Variants in KMT2D observed in about 807,000 individuals in gnomAD.
The protein encoded by KMT2D is histone-lysine N-methyltransferase 2D.
Under a neutral mutation model 512.7 loss-of-function variants are expected in KMT2D, and 55 were observed. The ratio of observed to expected loss-of-function variants is 0.11; its 90% CI spans 0.09 to 0.13. The LOEUF (loss-of-function observed/expected upper bound fraction) is 0.13, where lower values mean the gene tolerates loss of function less well. KMT2D is among the 10% of genes least tolerant of loss of function. The pLI is 1.00. For missense variants in KMT2D, 6,061 were observed against 7,127.9 expected (o/e 0.85, Z 5.39); for synonymous variants, 2,995 against 2,904.0 (o/e 1.03, Z -1.01).
In KMT2D at chr12:49,052,437, C is replaced by T. The variant is rs373466438; in HGVS notation, c.1259-13G>A. On this transcript the variant is annotated splice_polypyrimidine_tract_variant and intron_variant, in intron 10 of 54. Coordinates refer to ENST00000301067, the MANE Select transcript of KMT2D (RefSeq NM_003482.4). Reference sequence around the variant, plus strand: ...ACCCCTGCTTTCCCTGCAGACACAACAACACGATGCTCCTATCTAGCTCAG... The same window carrying T: ...ACCCCTGCTTTCCCTGCAGACACAATAACACGATGCTCCTATCTAGCTCAG... 7.6e-4 allele frequency: 1,179 copies of T among 1,542,058 alleles called. 2 individuals are homozygous for T. The highest frequency in any genetic ancestry group is 7.7e-4 in the Non-Finnish European group (885 of 1,142,252).
intron 43 of KMT2D, 63 bp downstream of exon 43, chr12:49,030,217 T>C: frequency 2.3e-5 from 32 of 1,412,532 alleles, no homozygotes; most frequent in Non-Finnish European, 3.1e-5. Context: ...CTGTACAGCA[T>C]ACTAACTGGT....
intron 7 of KMT2D, 37 bp downstream of exon 7, chr12:49,053,439 T>G: frequency 1.2e-6 from 2 of 1,611,066 alleles, no homozygotes; most frequent in Admixed American, 3.3e-5. Flanking sequence ...TAACCTGTGT[T>G]GTGCCTAAGA....
rs764529120 is a variant in KMT2D, at chr12:49,024,780, A to G, written c.15921+30T>C. ...TAGGCCAAAGTTCTCAGTGCCCGCC[A>G]AGCCCCCCAGCTCCCAGCCCCTTCC... On this transcript the variant is annotated intron_variant, in intron 50 of 54. Coordinates refer to ENST00000301067, the MANE Select transcript of KMT2D (RefSeq NM_003482.4). This position sits in a 1 kb window ranked among gnomAD's most constrained non-coding sequence, Gnocchi z 4.5. The G allele has an allele frequency of 6.8e-6, 11 of 1,608,886 alleles. No individual in the cohort carries two copies. In the South Asian group the frequency reaches 1.2e-4, roughly 18 times the overall value.
chr12:49,051,446 C>G lies in KMT2D; in HGVS notation c.2237G>C (p.Arg746Pro), dbSNP rs371911838. The change falls in exon 11 of 55, where the codon CGG (arginine) becomes CCG (proline). Residue 746 changes from arginine to proline, a missense_variant. This residue lies in a region of KMT2D where 848 missense variants were observed against 838.5 expected (regional missense o/e 1.01). Transcript: ENST00000301067. ...GGGGGACAGGTGCGGCTCCTCAGGCCGGGGTGACAGGTGCGGCCCCTCGGA... is the reference window on the plus strand; with the variant it reads ...GGGGGACAGGTGCGGCTCCTCAGGCGGGGGTGACAGGTGCGGCCCCTCGGA... ...PRSEGPHLSP[R>P]PEEPHLSPRP... The G allele has an allele frequency of 3.1e-6, 5 of 1,610,948 alleles. No homozygotes were observed. The highest frequency in any genetic ancestry group is 1.3e-5 in the African/African-American group (1 of 74,090).
In KMT2D at chr12:49,050,743, G is replaced by C. The variant is rs1366314399; in HGVS notation, c.2845C>G (p.Pro949Ala). The stretch of plus-strand genomic sequence containing the variant: ...AACTCCCCCAAAGGAGACAGGGCCG[G>C]TGGGGCCGCAGCTGTGATGATGGGT... ...LSPIITAAAP[P>A]ALSPLGELEY... is the part of the protein sequence containing the mutation. Residue 949 changes from proline to alanine, a missense_variant, in exon 12 of 55, where the codon CCG (proline) becomes GCG (alanine). By Grantham distance (27) the Pro-to-Ala change is conservative. Around this residue, in one of 16 missense-constraint regions of KMT2D, gnomAD observed 848 missense variants for 838.5 expected, o/e 1.01. Coordinates refer to ENST00000301067, the MANE Select transcript of KMT2D (RefSeq NM_003482.4). 1 of 1,613,174 alleles carries C rather than the reference G, an allele frequency of 6.2e-7. No individual in the cohort carries two copies. Among genetic ancestry groups the C allele is most frequent in the South Asian group, 1.1e-5 (1 of 91,072 alleles).
At position 49,049,951 on chromosome 12, in the gene KMT2D, G is replaced by A. The variant is rs551485453; in HGVS notation, c.3637C>T (p.Gln1213Ter). Residue 1213 changes from glutamine (Q) to a stop codon, truncating the protein, a stop_gained, in exon 12 of 55, where the codon CAG becomes TAG. Coordinates refer to ENST00000301067, the MANE Select transcript of KMT2D (RefSeq NM_003482.4). LOFTEE classifies it high-confidence loss of function. ...GGAAAACTGGCACTGGCATCACCCT[G>A]GCTCAGATTAGAGATCTCGTTAACG... ...DIVNEISNLS[Q>*]GDASASFPGS... 1 of 1,613,968 alleles carries A rather than the reference G, an allele frequency of 6.2e-7. No individual in the cohort carries two copies. The highest frequency in any genetic ancestry group is 1.3e-5 in the African/African-American group (1 of 75,064).
rs766985576 is a variant in KMT2D, at chr12:49,041,393, A to T, written c.6377T>A (p.Ile2126Asn). 6.2e-7 allele frequency: 1 copy of T among 1,603,412 alleles called. No homozygotes were observed. The highest frequency in any genetic ancestry group is 8.5e-7 in the Non-Finnish European group (1 of 1,173,862). Residue 2126 changes from isoleucine to asparagine, a missense_variant, in exon 32 of 55, where the codon ATT becomes AAT. Transcript: ENST00000301067. This position sits in a 1 kb window ranked among gnomAD's most constrained non-coding sequence, Gnocchi z 5.4. ...GCCGGCGGGGGTAGTGGGGCTGCCA[A>T]TGAAAATGGTGGGGGCAGCAGCGGG... is the stretch of plus-strand genomic sequence containing the variant. ...PPPAAAPTIF[I>N]GSPTTPAGLS...
rs1340245956 is a variant in KMT2D at position 49,020,235 on chromosome 12, G to A, written c.*1545C>T. On this transcript the variant is annotated 3_prime_UTR_variant, in exon 55 of 55. Transcript: ENST00000301067. ...ATAGTCCAACTATACAACAGGGGGT[G>A]GGAATTGCCCAGCCTCTATACCCCC... is the stretch of plus-strand genomic sequence containing the variant. 5.7e-6 allele frequency: 1 copy of A among 175,852 alleles called. No individual in the cohort carries two copies. Among genetic ancestry groups the A allele is most frequent in the Admixed American group, 6.3e-5 (1 of 15,762 alleles). 10.9% of individuals were successfully genotyped at this position (175,852 alleles called of 1,614,324 possible).
Position 49,034,853 on chromosome 12 carries a change from C to G in KMT2D, c.10314G>C (p.Val3438=), listed in dbSNP as rs1344876572. 1.2e-6 allele frequency: 2 copies of G among 1,614,028 alleles called. No individual in the cohort carries two copies. The highest frequency in any genetic ancestry group is 3.3e-5 in the Admixed American group (2 of 60,028). ...CCACCCCAATGCTGCCCTGAGCCAT[C>G]ACTTTCTTGATGCCTTTCAAAGCCA... ...KMVALKGIKK[V]MAQGSIGVAP... is the part of the protein sequence containing the mutation. Residue 3438 remains valine (V), a synonymous_variant, in exon 36 of 55, where the codon GTG becomes GTC. Transcript: ENST00000301067.
Position 49,026,471 on chromosome 12 carries a change from G to T in KMT2D, c.15495C>A (p.Ile5165=), listed in dbSNP as rs371422928. The T allele has an allele frequency of 1.9e-6, 3 of 1,613,782 alleles. No homozygotes were observed. Among genetic ancestry groups the T allele is most frequent in the African/African-American group, 1.3e-5 (1 of 74,916 alleles). ...GTTCTCCCCGCTGAATGATGCTAGC[G>T]ATTTGCTTCACCTCGTCCCGCTCAA... ...VYIERDEVKQ[I]ASIIQRGERL... is the part of the protein sequence containing the mutation. The change falls in exon 49 of 55, where the codon ATC becomes ATA. Residue 5165 remains isoleucine (I), a synonymous_variant. Transcript: ENST00000301067. This position sits in a 1 kb window ranked among gnomAD's most constrained non-coding sequence, Gnocchi z 9.6.
chr12:49,046,524 C>A lies in KMT2D; in HGVS notation c.4418+85G>T. On this transcript the variant is annotated intron_variant, in intron 16 of 54. Transcript: ENST00000301067. This position sits in a 1 kb window ranked among gnomAD's most constrained non-coding sequence, Gnocchi z 4.2. Reference sequence around the variant, plus strand: ...CAAGCCACCAGCCTGGCCTCCTAAACCCAGCCTCTGTCACATACTCAACAT... The same window carrying A: ...CAAGCCACCAGCCTGGCCTCCTAAAACCAGCCTCTGTCACATACTCAACAT... 3.2e-6 allele frequency: 5 copies of A among 1,576,774 alleles called. 1 individual carries two copies. The Middle Eastern group carries it at 8.5e-4, about 269-fold the overall frequency.
At position 49,052,152 on chromosome 12, in the gene KMT2D, G is replaced by A. The variant is rs750950395; in HGVS notation, c.1531C>T (p.Pro511Ser). 29 of 1,613,452 alleles carry A rather than the reference G, an allele frequency of 1.8e-5. No homozygotes were observed. The highest frequency in any genetic ancestry group is 2.2e-5 in the Non-Finnish European group (26 of 1,179,736). ...SPLSPPPESSPFSPLEESPLS... is the reference protein window; with the variant it reads ...SPLSPPPESSSFSPLEESPLS... ...GGCGACTCCTCCAGTGGAGAAAAAG[G>A]TGATGATTCAGGTGGGGGAGACAGA... is the stretch of plus-strand genomic sequence containing the variant. The change falls in exon 11 of 55, where the codon CCT becomes TCT. Residue 511 changes from proline to serine, a missense_variant. This residue lies in a region of KMT2D where 848 missense variants were observed against 838.5 expected (regional missense o/e 1.01). Transcript: ENST00000301067.
intron 1 of KMT2D, among the ~76,000 whole-genome samples, chr12:49,058,590 A>T (rs564756054): frequency 6.6e-6 from 1 of 152,016 alleles, no homozygotes; most frequent in Non-Finnish European, 1.5e-5. Context: ...TCTCCCCAAT[A>T]CCTTCTGCCA....
intron 9 of KMT2D, 95 bp downstream of exon 9, chr12:49,052,820 C>T: frequency 6.3e-7 from 1 of 1,585,768 alleles, no homozygotes; most frequent in South Asian, 1.1e-5. Context: ...CACCTTAGGG[C>T]TCTCCTCTCA....
Position 49,032,214 on chromosome 12 carries a change from A to G in KMT2D, c.12491T>C (p.Met4164Thr). Residue 4164 changes from methionine (M) to threonine (T), a missense_variant, in exon 40 of 55, where the codon ATG becomes ACG. Coordinates refer to ENST00000301067, the MANE Select transcript of KMT2D (RefSeq NM_003482.4). Reference protein sequence around the residue: ...GPQQPMLERPMQNNTGPQPPK... With the variant: ...GPQQPMLERPTQNNTGPQPPK... ...AGGTTGTGGCCCTGTATTATTTTGC[A>G]TGGGCCGCTCTAGCATGGGCTGTTG... 1 of 1,613,184 alleles carries G rather than the reference A, an allele frequency of 6.2e-7. No homozygotes were observed. The highest frequency in any genetic ancestry group is 8.5e-7 in the Non-Finnish European group (1 of 1,179,354).
chr12:49,028,465 G>T (rs1942722208), intron 46 of KMT2D, among the ~76,000 whole-genome samples: 1 of 152,194 alleles, frequency 6.6e-6, no homozygotes, highest in Non-Finnish European at 1.5e-5. Flanking sequence ...AACCCATATT[G>T]TCATTTTAAC....
At position 49,021,043 on chromosome 12, in the gene KMT2D, TA is replaced by T. The variant is rs1332844732; in HGVS notation, c.*736del. 5.1e-5 allele frequency: 10 copies of T among 195,142 alleles called. No homozygotes were observed. Among genetic ancestry groups the T allele is most frequent in the Non-Finnish European group, 9.6e-5 (9 of 93,926 alleles). 12.1% of individuals were successfully genotyped at this position (195,142 alleles called of 1,614,324 possible). A position where few individuals can be genotyped will look rare whatever the true frequency, so the allele number is the denominator to read the frequency against. On this transcript the variant is annotated 3_prime_UTR_variant, in exon 55 of 55. Transcript: ENST00000301067. ...GAGGTGGGGGAGAGGGTTGGGGCAG[TA>T]GGGGGCTTGGAGAGGGTCTCACATT... is the stretch of plus-strand genomic sequence containing the variant.
At chr12:49,056,240 C>T (rs1410017716) in intron 1 of KMT2D, among the ~76,000 whole-genome samples, 1 of 152,194 alleles carries the variant, frequency 6.6e-6, no homozygotes, top group Non-Finnish European at 1.5e-5. Flanking sequence ...GGACATAGCA[C>T]AGCACAGCGG....
rs149003560 is a variant in KMT2D at position 49,036,728 on chromosome 12, G to C, written c.10231+397C>G. Among the ~76,000 whole-genome samples the C allele has an allele frequency of 4.6e-4, 70 of 152,176 alleles. No homozygotes were observed. The East Asian group carries it at 8.7e-3, about 19-fold the overall frequency. On this transcript the variant is annotated intron_variant, in intron 35 of 54. Transcript: ENST00000301067. The stretch of plus-strand genomic sequence containing the variant: ...TTGGCCAGGCTGGTCTTGAACTCCT[G>C]ATCTTAAGTGATCCACCTGCCTTGG...
Sources: allele counts gnomAD v4.1 joint callset (sites outside exome capture counted in the v4.1 genomes callset), GRCh38; gene constraint gnomAD v4.1.1; regional missense constraint gnomAD v4.1.1; non-coding constraint Gnocchi (gnomAD v3.1); transcripts MANE v1.5; gene names NCBI Gene and HGNC (gene_info 2026-07-23, HGNC 2026-07-21).